The following VDAC1 variants were observed in gnomAD, a reference collection of about 807,000 sequenced individuals.
VDAC1 encodes the protein voltage dependent anion channel 1.
In VDAC1, 10 loss-of-function variants were observed where a neutral mutation model predicts 34.7. The observed-to-expected ratio is 0.29, with a 90% CI of 0.18 to 0.49. VDAC1 has a LOEUF of 0.49. VDAC1 is among the 20% of genes least tolerant of loss of function. The probability of loss-of-function intolerance (pLI) is 0.99; values close to 1 mark genes in which losing one functional copy is unlikely to be tolerated. For synonymous variants in VDAC1, 130 were observed against 136.0 expected (o/e 0.96, Z 0.30); for missense variants, 230 against 347.9 (o/e 0.66, Z 2.69).
At chr5:133,976,818 C>T (rs1037458714) in intron 6 of VDAC1, among the ~76,000 whole-genome samples, 1 of 152,102 alleles carries the variant, frequency 6.6e-6, no homozygotes, top group Admixed American at 6.6e-5. Flanking sequence ...CCAAGGCGGG[C>T]AGATCATTTG....
the VDAC1 span, among the ~76,000 whole-genome samples, chr5:134,104,152 C>G: frequency 2.0e-5 from 3 of 152,214 alleles, no homozygotes; most frequent in Admixed American, 6.5e-5. Flanking sequence ...CTGTGAATTT[C>G]AGAAGGGGAG....
chr5:134,011,453 A>T, the VDAC1 span, among the ~76,000 whole-genome samples: 1 of 151,506 alleles, frequency 6.6e-6, no homozygotes, highest in East Asian at 1.9e-4. Flanking sequence ...TTTGATCATC[A>T]CCTCTCCATT....
chr5:133,985,732 G>A (rs1422351367), intron 5 of VDAC1, among the ~76,000 whole-genome samples: 1 of 152,214 alleles, frequency 6.6e-6, no homozygotes, highest in Admixed American at 6.5e-5. Flanking sequence ...TATGTGATTG[G>A]CACCAGGCTG....
At chr5:133,984,904 C>G (rs1175892157) in intron 5 of VDAC1, among the ~76,000 whole-genome samples, 1 of 152,066 alleles carries the variant, frequency 6.6e-6, no homozygotes, top group African/African-American at 2.4e-5. Context: ...CCTCTGCAGT[C>G]CAGCCCGGGT....
chr5:134,066,284 G>A, the VDAC1 span, among the ~76,000 whole-genome samples: 2 of 152,142 alleles, frequency 1.3e-5, no homozygotes, highest in African/African-American at 4.8e-5. Flanking sequence ...TTACAGGCAT[G>A]AGCCACCATG....
At chr5:134,110,333 C>A in the VDAC1 span, among the ~76,000 whole-genome samples, 1 of 152,122 alleles carries the variant, frequency 6.6e-6, no homozygotes, top group Non-Finnish European at 1.5e-5. Flanking sequence ...ACAGAAGAGT[C>A]CTTCCTTCCT....
At chr5:134,060,718 G>T in the VDAC1 span, among the ~76,000 whole-genome samples, 17 of 151,272 alleles carry the variant, frequency 1.1e-4, no homozygotes, top group African/African-American at 3.9e-4. Flanking sequence ...TAGTTGTAAG[G>T]GTCATGAGGC....
the VDAC1 span, among the ~76,000 whole-genome samples, chr5:134,083,046 C>A: frequency 6.6e-6 from 1 of 152,112 alleles, no homozygotes; most frequent in African/African-American, 2.4e-5. Context: ...AATATGGTAA[C>A]CTTGCAATGG....
At chr5:134,084,112 T>C in the VDAC1 span, among the ~76,000 whole-genome samples, 1 of 152,176 alleles carries the variant, frequency 6.6e-6, no homozygotes, top group Non-Finnish European at 1.5e-5. Context: ...AGAAAATGCA[T>C]GTAGAGCACT....
the VDAC1 span, among the ~76,000 whole-genome samples, chr5:134,090,406 C>A: frequency 6.6e-6 from 1 of 152,160 alleles, no homozygotes; most frequent in Non-Finnish European, 1.5e-5. Context: ...GGGAAGGGTG[C>A]GTGGATGGTG....
the VDAC1 span, among the ~76,000 whole-genome samples, chr5:134,038,366 G>C: frequency 6.6e-6 from 1 of 152,234 alleles, no homozygotes; most frequent in East Asian, 1.9e-4. Context: ...TGGCATGTTT[G>C]AGAGGCAGCA....
chr5:133,980,688 A>AGGG, intron 6 of VDAC1, 41 bp downstream of exon 6: 5 of 612,634 alleles, frequency 8.2e-6, no homozygotes, highest in Middle Eastern at 3.3e-4. Flanking sequence ...CACATGCTCC[A>AGGG]ACCCCACCCC....
the VDAC1 span, among the ~76,000 whole-genome samples, chr5:134,085,691 C>A: frequency 2.7e-5 from 3 of 110,410 alleles, no homozygotes; most frequent in East Asian, 3.1e-4. Context: ...AGTTTGAGAC[C>A]AGCCTGTGCA....
chr5:134,096,723 A>T, the VDAC1 span, among the ~76,000 whole-genome samples: 1 of 151,920 alleles, frequency 6.6e-6, no homozygotes, highest in African/African-American at 2.4e-5. Context: ...CCTCCCAAGT[A>T]GCTGGGATTA....
At chr5:134,051,089 C>T in the VDAC1 span, among the ~76,000 whole-genome samples, 1 of 152,234 alleles carries the variant, frequency 6.6e-6, no homozygotes, top group East Asian at 1.9e-4. Context: ...CCCATGCCCT[C>T]CAGCTAGAGG....
intron 5 of VDAC1, among the ~76,000 whole-genome samples, chr5:133,982,978 A>G (rs12719469): frequency 0.58 from 87,944 of 151,612 alleles, 25,660 homozygotes; most frequent in Admixed American, 0.62. Flanking sequence ...CACTGGGCGC[A>G]GTGGCTCATG....
At chr5:134,100,113 A>G in the VDAC1 span, among the ~76,000 whole-genome samples, 1 of 152,244 alleles carries the variant, frequency 6.6e-6, no homozygotes, top group Non-Finnish European at 1.5e-5. Flanking sequence ...TTGTTAATCT[A>G]GCTTTGATGC....
the VDAC1 span, among the ~76,000 whole-genome samples, chr5:134,039,023 C>A: frequency 1.3e-5 from 2 of 152,180 alleles, no homozygotes; most frequent in Non-Finnish European, 2.9e-5. Flanking sequence ...TTATTTACAA[C>A]ATTCTGTATT....
chr5:133,972,599 C>T lies in VDAC1; in HGVS notation c.*172G>A, dbSNP rs1752340424. On this transcript the variant is annotated 3_prime_UTR_variant, in exon 9 of 9. Coordinates refer to ENST00000265333, the MANE Select transcript of VDAC1 (RefSeq NM_003374.3). ...AAGGACCTTTTTTGGAAATAGGTTTCTTCTGTACCTCTGGAAGGGTAACAT... is the reference window on the plus strand; with the variant it reads ...AAGGACCTTTTTTGGAAATAGGTTTTTTCTGTACCTCTGGAAGGGTAACAT... 1 of 585,206 alleles carries T rather than the reference C, an allele frequency of 1.7e-6. No individual in the cohort carries two copies. Among genetic ancestry groups the T allele is most frequent in the Admixed American group, 3.6e-5 (1 of 27,772 alleles). 36.3% of individuals were successfully genotyped at this position (585,206 alleles called of 1,614,324 possible). A position where few individuals can be genotyped will look rare whatever the true frequency, so the allele number is the denominator to read the frequency against.
Sources: allele counts gnomAD v4.1 joint callset (sites outside exome capture counted in the v4.1 genomes callset), GRCh38; gene constraint gnomAD v4.1.1; transcripts MANE v1.5; gene names NCBI Gene and HGNC (gene_info 2026-07-23, HGNC 2026-07-21).